The following RPUSD4 variants were observed in gnomAD, a reference collection of about 807,000 sequenced individuals.
The protein encoded by RPUSD4 is RNA pseudouridine synthase D4.
Under a neutral mutation model 35.4 loss-of-function variants are expected in RPUSD4, and 37 were observed. The observed-to-expected ratio is 1.04, with a 90% CI of 0.80 to 1.37. RPUSD4 has a LOEUF of 1.37. Ranked by LOEUF, RPUSD4 falls within the 40% of genes most tolerant of loss-of-function variation. The pLI is 0.00. For synonymous variants in RPUSD4, 210 were observed against 192.7 expected, an observed-to-expected ratio of 1.09 and a Z score of -0.74; for missense variants, 507 against 484.9, an observed-to-expected ratio of 1.05 and a Z score of -0.43.
intron 2 of RPUSD4, 135 bp downstream of exon 2, chr11:126,210,755 T>C (rs758982192): frequency 9.5e-6 from 7 of 740,564 alleles, no homozygotes; most frequent in Admixed American, 6.3e-5. Context: ...GTTCCTTATA[T>C]TGGACGGTAG....
At chr11:126,205,382 A>G in intron 5 of RPUSD4, 86 bp downstream of exon 5, 5 of 1,528,212 alleles carry the variant, frequency 3.3e-6, no homozygotes, top group Non-Finnish European at 4.5e-6. Context: ...AGTCAGCCAC[A>G]CTACTAGCTG....
Position 126,203,422 on chromosome 11 carries a change from T to C in RPUSD4, c.1130A>G (p.Gln377Arg). Residue 377 changes from glutamine to arginine, a missense_variant, in exon 7 of 7, where the codon CAG becomes CGG. Transcript: ENST00000298317. ...ENNEAKCLGA[Q>R] ...GCCAGGGTGCTCCCATGGTCTTCAC[T>C]GTGCTCCCAGACACTTGGCTTCATT... is the stretch of plus-strand genomic sequence containing the variant. 4.3e-6 allele frequency: 7 copies of C among 1,612,724 alleles called. No homozygotes were observed. Among genetic ancestry groups the C allele is most frequent in the Non-Finnish European group, 5.9e-6 (7 of 1,179,952 alleles).
chr11:126,208,390 C>G lies in RPUSD4; in HGVS notation c.557+1131G>C, dbSNP rs510767. 3.0e-3 allele frequency among the ~76,000 whole-genome samples: 459 copies of G among 152,214 alleles called. 2 individuals carry two copies. Among genetic ancestry groups the G allele is most frequent in the African/African-American group, 0.011 (442 of 41,536 alleles). ...AGTGAAAACTGTAGGGTACAAAACT[C>G]TGTGTGAAATACACTAGCATACAGT... is the stretch of plus-strand genomic sequence containing the variant. On this transcript the variant is annotated intron_variant, in intron 3 of 6. Transcript: ENST00000298317.
rs374402698 is a variant in RPUSD4, at chr11:126,209,357, G to C, written c.557+164C>G. ...AGAATTAAGAACCACTGTTCTATCA[G>C]ACTTAATATTCTAAGCACCAAAGCT... On this transcript the variant is annotated intron_variant, in intron 3 of 6. Coordinates refer to ENST00000298317, the MANE Select transcript of RPUSD4 (RefSeq NM_032795.3). The C allele has an allele frequency of 3.5e-5, 22 of 622,704 alleles. No homozygotes were observed. In the East Asian group the frequency reaches 3.8e-4, roughly 11 times the overall value. The allele number at this position is 622,704 out of a possible 1,614,324, so 38.6% of individuals were successfully genotyped here.
Position 126,202,985 on chromosome 11 carries a change from T to C in RPUSD4, c.*433A>G, listed in dbSNP as rs186338559. ...GGGCAATCCCTGGATGCTGTGATATTTGTTAACCATTATGTTCTTTCCAAC... is the reference window on the plus strand; with the variant it reads ...GGGCAATCCCTGGATGCTGTGATATCTGTTAACCATTATGTTCTTTCCAAC... On this transcript the variant is annotated 3_prime_UTR_variant, in exon 7 of 7. Coordinates refer to ENST00000298317, the MANE Select transcript of RPUSD4 (RefSeq NM_032795.3). 678 of 178,274 alleles carry C rather than the reference T, an allele frequency of 3.8e-3. 2 individuals are homozygous for C. The highest frequency in any genetic ancestry group is 0.014 in the African/African-American group (610 of 42,464). 11.0% of individuals were successfully genotyped at this position (178,274 alleles called of 1,614,324 possible).
At chr11:126,208,646 G>A (rs1223049572) in intron 3 of RPUSD4, 1 of 152,130 alleles carries the variant, frequency 6.6e-6, no homozygotes, top group African/African-American at 2.4e-5. Flanking sequence ...TGTACAATGT[G>A]ATATATATAT....
At chr11:126,204,087 T>G (rs1949742615) in intron 6 of RPUSD4, 144 bp downstream of exon 6, 2 of 715,072 alleles carry the variant, frequency 2.8e-6, no homozygotes, top group East Asian at 2.6e-5. Flanking sequence ...TGCTCCTAAA[T>G]TTCTCTAAAA....
intron 5 of RPUSD4, 98 bp from the exon 6 acceptor site, chr11:126,204,426 G>A: frequency 4.9e-6 from 4 of 821,914 alleles, no homozygotes; most frequent in South Asian, 1.7e-5. Flanking sequence ...ACATCAAAGT[G>A]CAGTAAACTG....
intron 5 of RPUSD4, 29 bp from the exon 6 acceptor site, chr11:126,204,357 A>AAAACT: frequency 6.5e-7 from 1 of 1,546,316 alleles, no homozygotes; most frequent in Non-Finnish European, 8.9e-7. Context: ...AGAAAGAGAG[A>AAAACT]AAACTCGTGA....
At chr11:126,211,275 C>T (rs1438289965) in intron 1 of RPUSD4, 175 bp downstream of exon 1, 1 of 929,594 alleles carries the variant, frequency 1.1e-6, no homozygotes, top group East Asian at 2.4e-5. Flanking sequence ...ATCCAGCTCA[C>T]GGGAAAACAC....
intron 5 of RPUSD4, among the ~76,000 whole-genome samples, 180 bp downstream of exon 5, chr11:126,205,288 C>T (rs1156419054): frequency 6.6e-6 from 1 of 152,184 alleles, no homozygotes; most frequent in Admixed American, 6.5e-5. Flanking sequence ...AGGCATTCAA[C>T]CTGTTTGTAT....
At chr11:126,208,700 ATACACCAGACACGCATATACTGCG>A (rs1370151674) in intron 3 of RPUSD4, 8 of 152,246 alleles carry the variant, frequency 5.3e-5, no homozygotes, top group East Asian at 1.9e-4. Context: ...CATATACTGC[ATACACCAGACACGCATATACTGCG>A]TACACCAGAC....
Position 126,203,284 on chromosome 11 carries a change from A to G in RPUSD4, c.*134T>C, listed in dbSNP as rs1363193168. ...ACCTTATCCCACCTGGCTCTTACGC[A>G]GTCTGTTCCAAGTGAGAAGTTAGCA... On this transcript the variant is annotated 3_prime_UTR_variant, in exon 7 of 7. Transcript: ENST00000298317. 1.5e-6 allele frequency: 2 copies of G among 1,327,836 alleles called. No homozygotes were observed. The highest frequency in any genetic ancestry group is 2.1e-6 in the Non-Finnish European group (2 of 967,752). 82.3% of individuals were successfully genotyped at this position (1,327,836 alleles called of 1,614,324 possible). A position where few individuals can be genotyped will look rare whatever the true frequency, so the allele number is the denominator to read the frequency against.
intron 6 of RPUSD4, 34 bp from the exon 7 acceptor site, chr11:126,203,691 G>A (rs753620571): frequency 1.4e-5 from 23 of 1,592,552 alleles, no homozygotes; most frequent in Non-Finnish European, 1.9e-5. Flanking sequence ...TTGAGAGCAA[G>A]GCCAACAGTC....
rs200939674 is a variant in RPUSD4 at position 126,210,956 on chromosome 11, G to A, written c.289C>T (p.Arg97Ter). 106 of 1,613,900 alleles carry A rather than the reference G, an allele frequency of 6.6e-5. No individual in the cohort carries two copies. Among genetic ancestry groups the A allele is most frequent in the Admixed American group, 6.7e-5 (4 of 59,986 alleles). The change falls in exon 2 of 7, where the codon CGA becomes TGA. Residue 97 changes from arginine (R) to a stop codon, truncating the protein, a stop_gained. Transcript: ENST00000298317. LOFTEE classifies it high-confidence loss of function. ...TTCTTGTCCTGGTGGAGAATTCCTC[G>A]GGTCAGTGCCTTAGCAAGCACGTTG... Reference protein sequence around the residue: ...HPNVLAKALTRGILHQDKNLV... With the variant: ...HPNVLAKALT
intron 3 of RPUSD4, among the ~76,000 whole-genome samples, chr11:126,207,588 GAGCTGTAAGCGCTGT>G (rs1233199215): frequency 1.3e-5 from 2 of 152,224 alleles, no homozygotes; most frequent in Non-Finnish European, 2.9e-5. Flanking sequence ...TCACGCCTGT[GAGCTGTAAGCGCTGT>G]AATCCTAGCA....
rs533520221 is a variant in RPUSD4 at position 126,202,121 on chromosome 11, T to G, written c.*1297A>C. 2 of 152,364 alleles carry G rather than the reference T, an allele frequency of 1.3e-5. No homozygotes were observed. The highest frequency in any genetic ancestry group is 2.1e-4 in the South Asian group (1 of 4,830). 9.4% of individuals were successfully genotyped at this position (152,364 alleles called of 1,614,324 possible). ...TGTGCTTTCAAAGTTAAATTTATTA[T>G]GCACAGTAATGGGTACCATGGAGAC... On this transcript the variant is annotated 3_prime_UTR_variant, in exon 7 of 7. Coordinates refer to ENST00000298317, the MANE Select transcript of RPUSD4 (RefSeq NM_032795.3).
At chr11:126,209,177 GA>G in intron 3 of RPUSD4, 1 of 213,014 alleles carries the variant, frequency 4.7e-6, no homozygotes, top group Non-Finnish European at 9.5e-6. Context: ...TTTTTATAGA[GA>G]AAAGGTGTCA....
chr11:126,207,894 C>T (rs1048417488), intron 3 of RPUSD4, among the ~76,000 whole-genome samples: 14 of 151,224 alleles, frequency 9.3e-5, no homozygotes, highest in African/African-American at 2.4e-4. Flanking sequence ...TAATAAACAA[C>T]CCTGTAGAAA....
Sources: allele counts gnomAD v4.1 joint callset (sites outside exome capture counted in the v4.1 genomes callset), GRCh38; gene constraint gnomAD v4.1.1; transcripts MANE v1.5; gene names NCBI Gene and HGNC (gene_info 2026-07-23, HGNC 2026-07-21).